Variants in SMYD3 observed in about 807,000 individuals in gnomAD.
SMYD3 encodes the protein histone-lysine N-methyltransferase SMYD3.
A neutral mutation model predicts 57.7 loss-of-function variants in SMYD3; 36 were observed. The ratio of observed to expected loss-of-function variants is 0.62; its 90% confidence interval spans 0.48 to 0.82. The LOEUF (loss-of-function observed/expected upper bound fraction) is 0.82. SMYD3 is among the 40% of genes least tolerant of loss of function. SMYD3 has a pLI of 0.00. For missense variants in SMYD3, 515 were observed against 538.8 expected (o/e 0.96, Z 0.44); for synonymous variants, 211 against 195.0 (o/e 1.08, Z -0.68).
At chr1:245,908,374 TAGAC>T (rs2054728140) in intron 8 of SMYD3, among the ~76,000 whole-genome samples, 1 of 152,310 alleles carries the variant, frequency 6.6e-6, no homozygotes, top group Middle Eastern at 3.4e-3. Context: ...TAGGGCTAAA[TAGAC>T]AGAGAGACCC....
chr1:246,030,012 T>C (rs1012916794), intron 5 of SMYD3, among the ~76,000 whole-genome samples: 37 of 150,334 alleles, frequency 2.5e-4, no homozygotes, highest in African/African-American at 8.8e-4. Context: ...CTTTCTTTTT[T>C]TTTTTTTTTT....
At chr1:246,291,682 T>C (rs2064693935) in intron 5 of SMYD3, among the ~76,000 whole-genome samples, 1 of 152,222 alleles carries the variant, frequency 6.6e-6, no homozygotes, top group Non-Finnish European at 1.5e-5. Context: ...ACATTAAGTA[T>C]AAGCTTTTAT....
intron 8 of SMYD3, among the ~76,000 whole-genome samples, chr1:245,906,941 C>T (rs556373894): frequency 2.5e-4 from 38 of 152,116 alleles, no homozygotes; most frequent in East Asian, 5.8e-4. Context: ...AAAAATCACA[C>T]GTTCTTATTT....
intron 1 of SMYD3, among the ~76,000 whole-genome samples, chr1:246,455,560 T>C (rs531737991): frequency 1.2e-3 from 181 of 152,310 alleles, no homozygotes; most frequent in African/African-American, 4.3e-3. Context: ...CTCCAAATGC[T>C]ATAGAAAAGC....
intron 10 of SMYD3, among the ~76,000 whole-genome samples, chr1:245,843,098 T>C (rs184794111): frequency 2.1e-4 from 32 of 152,294 alleles, no homozygotes; most frequent in Middle Eastern, 3.4e-3. Context: ...CTCATGTTCT[T>C]TGGGTCTGAG....
intron 1 of SMYD3, among the ~76,000 whole-genome samples, chr1:246,490,974 CCA>C (rs1055162669): frequency 2.4e-5 from 3 of 124,776 alleles, no homozygotes; most frequent in East Asian, 3.2e-4. Context: ...CAAAATACTT[CCA>C]CATGTTTTAT....
At chr1:245,808,576 G>A (rs2048305011) in intron 10 of SMYD3, among the ~76,000 whole-genome samples, 1 of 152,148 alleles carries the variant, frequency 6.6e-6, no homozygotes, top group Non-Finnish European at 1.5e-5. Context: ...GGTGAGGCTG[G>A]CCACTTTCCC....
At chr1:245,945,630 A>G (rs4654174) in intron 5 of SMYD3, among the ~76,000 whole-genome samples, 95,189 of 152,106 alleles carry the variant, frequency 0.63, 35,197 homozygotes, top group Non-Finnish European at 0.83. Context: ...ATACCCAAAG[A>G]AATATAAGTT....
chr1:246,069,438 G>A (rs534776569), intron 5 of SMYD3, among the ~76,000 whole-genome samples: 120 of 152,250 alleles, frequency 7.9e-4, no homozygotes, highest in Admixed American at 2.0e-3. Flanking sequence ...CTCAAGAGCA[G>A]GCCTGTCTGC....
intron 10 of SMYD3, among the ~76,000 whole-genome samples, chr1:245,797,131 G>A (rs1009028626): frequency 6.6e-6 from 1 of 152,192 alleles, no homozygotes; most frequent in Non-Finnish European, 1.5e-5. Flanking sequence ...TACAGAATAT[G>A]AGGGGATTTG....
At chr1:246,054,326 C>G (rs563497104) in intron 5 of SMYD3, among the ~76,000 whole-genome samples, 2 of 152,028 alleles carry the variant, frequency 1.3e-5, no homozygotes, top group African/African-American at 4.8e-5. Flanking sequence ...GGGGGGAACA[C>G]GAAAAGTCAC....
At chr1:245,755,639 C>T (rs1468960817) in intron 11 of SMYD3, among the ~76,000 whole-genome samples, 1 of 151,876 alleles carries the variant, frequency 6.6e-6, no homozygotes, top group African/African-American at 2.4e-5. Flanking sequence ...ATACAATGTC[C>T]CTCTCTGTCT....
intron 8 of SMYD3, among the ~76,000 whole-genome samples, chr1:245,889,461 C>T (rs1483642752): frequency 1.3e-5 from 2 of 152,096 alleles, no homozygotes; most frequent in African/African-American, 4.8e-5. Context: ...ACCCTGCAGC[C>T]CTGAAGTTTC....
chr1:245,775,606 C>T (rs932720137), intron 10 of SMYD3, among the ~76,000 whole-genome samples: 1 of 151,200 alleles, frequency 6.6e-6, no homozygotes, highest in Non-Finnish European at 1.5e-5. Context: ...CCTAGGAAAA[C>T]CAGAGACCTT....
intron 5 of SMYD3, among the ~76,000 whole-genome samples, chr1:246,138,359 A>C (rs2061695070): frequency 6.6e-6 from 1 of 152,124 alleles, no homozygotes; most frequent in South Asian, 2.1e-4. Context: ...GAAAACAAAA[A>C]ACAAAAAACC....
chr1:245,895,394 A>G (rs926462222), intron 8 of SMYD3, among the ~76,000 whole-genome samples: 5 of 152,188 alleles, frequency 3.3e-5, no homozygotes, highest in African/African-American at 1.2e-4. Context: ...GAAACGGGAA[A>G]CATTCTGCTT....
At chr1:245,892,626 T>A (rs1290136059) in intron 8 of SMYD3, among the ~76,000 whole-genome samples, 1 of 152,218 alleles carries the variant, frequency 6.6e-6, no homozygotes, top group Non-Finnish European at 1.5e-5. Context: ...GTACTCTTTG[T>A]ATAATATCCT....
intron 10 of SMYD3, among the ~76,000 whole-genome samples, chr1:245,830,319 A>G (rs2049758485): frequency 6.6e-6 from 1 of 152,154 alleles, no homozygotes; most frequent in Non-Finnish European, 1.5e-5. Flanking sequence ...AGGAGAAGCA[A>G]AGGCACGTCC....
intron 5 of SMYD3, among the ~76,000 whole-genome samples, chr1:246,320,904 G>A (rs370666137): frequency 1.4e-4 from 21 of 152,282 alleles, no homozygotes; most frequent in African/African-American, 5.1e-4. Context: ...GACAACTGAA[G>A]CACGCTTAAT....
Sources: gnomAD v4.1 joint callset for allele counts (sites outside exome capture counted in the v4.1 genomes callset) on GRCh38, gnomAD v4.1.1 for gene constraint, MANE v1.5 for transcripts, NCBI Gene and HGNC (gene_info 2026-07-23, HGNC 2026-07-21) for gene names.